The following TPRG1 variants were observed in gnomAD, a reference collection of about 807,000 sequenced individuals.
TPRG1 encodes the protein tumor protein p63 regulated 1.
A neutral mutation model predicts 29.3 loss-of-function variants in TPRG1; 29 were observed. The ratio of observed to expected loss-of-function variants is 0.99; its 90% CI spans 0.74 to 1.35. TPRG1 has a LOEUF of 1.35. Ranked by LOEUF, TPRG1 falls within the 40% of genes most tolerant of loss-of-function variation. The pLI, the probability that TPRG1 is intolerant of heterozygous loss-of-function variation, is 0.00. For missense variants in TPRG1, 327 were observed against 335.0 expected, an observed-to-expected ratio of 0.98 and a Z score of 0.19; for synonymous variants, 130 against 116.8, an observed-to-expected ratio of 1.11 and a Z score of -0.73.
At chr3:189,271,133 G>A (rs538625033) in intron 4 of TPRG1, among the ~76,000 whole-genome samples, 23 of 152,300 alleles carry the variant, frequency 1.5e-4, no homozygotes, top group African/African-American at 5.3e-4. Context: ...AAAGTCCTTG[G>A]GAAATGACGG....
rs1439390556 is a variant in TPRG1, at chr3:189,322,067, T to A, written c.*1247T>A. 1 of 151,874 alleles carries A rather than the reference T, an allele frequency of 6.6e-6. No individual in the cohort carries two copies. The highest frequency in any genetic ancestry group is 1.5e-5 in the Non-Finnish European group (1 of 67,966). The allele number at this position is 151,874 out of a possible 1,614,324, so 9.4% of individuals were successfully genotyped here. On this transcript the variant is annotated 3_prime_UTR_variant, in exon 6 of 6. Transcript: ENST00000345063. The stretch of plus-strand genomic sequence containing the variant: ...TTCTTTTCTTTTTTCTTTCAGAGTC[T>A]TATTTTATCTAAATTTATGTAGAAA...
intron 1 of TPRG1, among the ~76,000 whole-genome samples, chr3:189,110,282 C>T (rs562902674): frequency 2.6e-5 from 4 of 152,270 alleles, no homozygotes; most frequent in East Asian, 1.9e-4. Context: ...TAAATAAATT[C>T]GTTATGTTAA....
chr3:189,071,233 A>G (rs1178978151), intron 4 of TPRG1, among the ~76,000 whole-genome samples: 2 of 152,164 alleles, frequency 1.3e-5, no homozygotes, highest in Non-Finnish European at 2.9e-5. Flanking sequence ...GGTGGTTCCA[A>G]TTTTTCCTTT....
chr3:189,316,172 T>C (rs888587482), intron 5 of TPRG1, among the ~76,000 whole-genome samples: 2 of 152,138 alleles, frequency 1.3e-5, no homozygotes, highest in South Asian at 4.1e-4. Flanking sequence ...AGGATGAGGA[T>C]GGAAATTGCT....
intron 5 of TPRG1, among the ~76,000 whole-genome samples, chr3:189,161,712 G>T (rs1345620409): frequency 6.6e-6 from 1 of 152,150 alleles, no homozygotes. Flanking sequence ...TAGTTTCAGT[G>T]ACTAATGTGA....
intron 2 of TPRG1, among the ~76,000 whole-genome samples, chr3:189,131,310 TA>T (rs1253397829): frequency 1.3e-5 from 2 of 152,162 alleles, no homozygotes; most frequent in Admixed American, 6.6e-5. Flanking sequence ...TGATACATTC[TA>T]ATGTTGGAAT....
chr3:189,012,776 G>A (rs184060926), intron 3 of TPRG1, among the ~76,000 whole-genome samples: 16 of 152,102 alleles, frequency 1.1e-4, no homozygotes, highest in African/African-American at 3.9e-4. Flanking sequence ...TCTATTTTAT[G>A]TGCATAGGGA....
chr3:189,098,759 G>T (rs1483110710), upstream of TPRG1, among the ~76,000 whole-genome samples: 1 of 152,144 alleles, frequency 6.6e-6, no homozygotes, highest in African/African-American at 2.4e-5. Flanking sequence ...TAATTTCCAA[G>T]CCTTGTGGTT....
At chr3:189,108,317 A>C (rs561400156) in intron 1 of TPRG1, among the ~76,000 whole-genome samples, 1 of 152,274 alleles carries the variant, frequency 6.6e-6, no homozygotes, top group Admixed American at 6.5e-5. Context: ...ACAGCAACTT[A>C]TAGAACATGG....
At chr3:189,249,909 G>A (rs1360499827) in intron 4 of TPRG1, among the ~76,000 whole-genome samples, 1 of 151,944 alleles carries the variant, frequency 6.6e-6, no homozygotes, top group Non-Finnish European at 1.5e-5. Context: ...TATTTATTTA[G>A]AAAATATGCT....
At chr3:189,125,846 TG>T in intron 1 of TPRG1, among the ~76,000 whole-genome samples, 2 of 150,896 alleles carry the variant, frequency 1.3e-5, no homozygotes, top group East Asian at 3.9e-4. Context: ...TGTGTGTGTG[TG>T]TGTGTGTGTG....
intron 3 of TPRG1, among the ~76,000 whole-genome samples, chr3:189,224,955 G>A (rs1226076462): frequency 6.9e-4 from 101 of 145,768 alleles, no homozygotes; most frequent in Middle Eastern, 3.5e-3. Flanking sequence ...TTTTTGAGAC[G>A]GAGTCTCGCT....
chr3:189,010,988 C>A (rs1031844473), intron 3 of TPRG1, among the ~76,000 whole-genome samples: 1 of 152,134 alleles, frequency 6.6e-6, no homozygotes, highest in South Asian at 2.1e-4. Flanking sequence ...ATATGGCTAG[C>A]CAGTTCTCCC....
intron 4 of TPRG1, among the ~76,000 whole-genome samples, chr3:189,078,091 CTCTTTCTTTCTT>C (rs67070787): frequency 0.026 from 2,226 of 84,980 alleles, 50 homozygotes; most frequent in South Asian, 0.063. Flanking sequence ...CTCTCTTTCT[CTCTTTCTTTCTT>C]TCTTTCTTTC....
At chr3:189,045,976 G>C (rs1185674154) in intron 4 of TPRG1, among the ~76,000 whole-genome samples, 2 of 152,232 alleles carry the variant, frequency 1.3e-5, no homozygotes, top group Admixed American at 1.3e-4. Context: ...GGAAAACTCA[G>C]CAGCAGGAAG....
At chr3:189,149,586 T>C (rs978550778) in intron 4 of TPRG1, among the ~76,000 whole-genome samples, 32 of 152,252 alleles carry the variant, frequency 2.1e-4, no homozygotes, top group Non-Finnish European at 4.1e-4. Flanking sequence ...AACGTGGTTA[T>C]CTTCTGCCCT....
intron 4 of TPRG1, among the ~76,000 whole-genome samples, chr3:189,066,401 T>C (rs1443924086): frequency 6.6e-6 from 1 of 151,964 alleles, no homozygotes; most frequent in African/African-American, 2.4e-5. Flanking sequence ...CTAATAAACA[T>C]TGAGCAGAAA....
intron 4 of TPRG1, among the ~76,000 whole-genome samples, chr3:189,038,562 G>A (rs1385638637): frequency 2.0e-5 from 3 of 151,942 alleles, no homozygotes; most frequent in Non-Finnish European, 2.9e-5. Context: ...TCGGGGTGGG[G>A]AATGATTTCT....
chr3:189,052,293 C>T (rs1715372010), intron 4 of TPRG1, among the ~76,000 whole-genome samples: 1 of 152,132 alleles, frequency 6.6e-6, no homozygotes, highest in African/African-American at 2.4e-5. Context: ...CATGAACAGA[C>T]AGTTCTCAAA....
Sources: gnomAD v4.1 joint callset for allele counts (sites outside exome capture counted in the v4.1 genomes callset) on GRCh38, gnomAD v4.1.1 for gene constraint, MANE v1.5 for transcripts, NCBI Gene and HGNC (gene_info 2026-07-23, HGNC 2026-07-21) for gene names.